Variants in ERBB4 observed in about 807,000 individuals in gnomAD.
ERBB4 encodes the protein erb-b2 receptor tyrosine kinase 4.
Under a neutral mutation model 158.0 loss-of-function variants are expected in ERBB4, and 42 were observed. That is an observed-to-expected ratio of 0.27 (90% CI 0.21 to 0.34). ERBB4 has a LOEUF of 0.34. Among genes scored for constraint, ERBB4 ranks in the 10% least tolerant of loss-of-function variants. ERBB4 has a pLI of 1.00. For missense variants in ERBB4, 1,333 were observed against 1,624.1 expected, an observed-to-expected ratio of 0.82 and a Z score of 3.08; for synonymous variants, 583 against 558.7, an observed-to-expected ratio of 1.04 and a Z score of -0.61.
intron 1 of ERBB4, among the ~76,000 whole-genome samples, chr2:212,420,224 A>T (rs1318047113): frequency 1.3e-5 from 2 of 152,030 alleles, no homozygotes; most frequent in Non-Finnish European, 2.9e-5. Flanking sequence ...ACATTAATAT[A>T]TTTCTGAAAA....
At chr2:211,532,997 A>C (rs1196684715) in intron 20 of ERBB4, among the ~76,000 whole-genome samples, 1 of 146,080 alleles carries the variant, frequency 6.8e-6, no homozygotes, top group Non-Finnish European at 1.5e-5. Context: ...TTTTATTTAA[A>C]ATAAAAATAT....
chr2:211,737,962 T>A (rs192490298), intron 5 of ERBB4, among the ~76,000 whole-genome samples: 1 of 152,280 alleles, frequency 6.6e-6, no homozygotes, highest in East Asian at 1.9e-4. Context: ...ATGTTTGTAT[T>A]TTTTACTATT....
At chr2:212,484,126 G>GA (rs1033012298) in intron 1 of ERBB4, among the ~76,000 whole-genome samples, 4 of 151,662 alleles carry the variant, frequency 2.6e-5, no homozygotes, top group African/African-American at 7.3e-5. Flanking sequence ...GTATTTCAAT[G>GA]AAAAAAAAGC....
intron 1 of ERBB4, among the ~76,000 whole-genome samples, chr2:212,217,531 T>C (rs2083139724): frequency 6.6e-6 from 1 of 151,292 alleles, no homozygotes; most frequent in Non-Finnish European, 1.5e-5. Flanking sequence ...TAAGAAGCTA[T>C]GTCTCTAGAG....
intron 3 of ERBB4, among the ~76,000 whole-genome samples, chr2:211,828,892 A>AG (rs1448630560): frequency 3.9e-5 from 6 of 152,124 alleles, no homozygotes; most frequent in Non-Finnish European, 8.8e-5. Flanking sequence ...CTGTTGCCAC[A>AG]GTCTTGATAC....
chr2:211,729,522 T>C (rs1237358303), intron 5 of ERBB4, among the ~76,000 whole-genome samples: 1 of 151,754 alleles, frequency 6.6e-6, no homozygotes, highest in Non-Finnish European at 1.5e-5. Flanking sequence ...TTTATATTAT[T>C]ATATGAGACT....
chr2:212,286,594 C>CTTGTTTTTTTTTTTGTTTTG (rs760466245), intron 1 of ERBB4, among the ~76,000 whole-genome samples: 4 of 55,542 alleles, frequency 7.2e-5, no homozygotes, highest in East Asian at 2.6e-3. Flanking sequence ...TAAGTGCTGA[C>CTTGTTTTTTTTTTTGTTTTG]TTTTTTTTTT....
intron 5 of ERBB4, among the ~76,000 whole-genome samples, chr2:211,734,620 TAAAA>T (rs34036811): frequency 9.8e-6 from 1 of 102,348 alleles, no homozygotes; most frequent in African/African-American, 3.9e-5. Flanking sequence ...GCTGTAGCAT[TAAAA>T]AAAAAAAAAA....
intron 1 of ERBB4, among the ~76,000 whole-genome samples, chr2:212,368,500 A>T (rs139291773): frequency 9.1e-4 from 139 of 152,212 alleles, no homozygotes; most frequent in African/African-American, 3.1e-3. Context: ...TGATGGGTGC[A>T]ACGAAATCTC....
chr2:211,935,654 G>A (rs528100645), intron 3 of ERBB4, among the ~76,000 whole-genome samples: 21 of 152,048 alleles, frequency 1.4e-4, no homozygotes, highest in African/African-American at 2.2e-4. Flanking sequence ...ACCAGCATCC[G>A]AGGGTCTTCA....
intron 20 of ERBB4, among the ~76,000 whole-genome samples, chr2:211,550,165 G>A (rs187757113): frequency 2.0e-5 from 3 of 152,134 alleles, no homozygotes; most frequent in Admixed American, 2.0e-4. Context: ...TTTTGTGTAT[G>A]TGTATAGTAA....
rs6731676 is a variant in ERBB4 at position 212,214,766 on chromosome 2, A to G, written c.83-89863T>C. On this transcript the variant is annotated intron_variant, in intron 1 of 27. Coordinates refer to ENST00000342788, the MANE Select transcript of ERBB4 (RefSeq NM_005235.3). ...TCCACTCCTATATATAATCCCCAACAGAAATATTCTATATGTGGGCGCCAA... is the reference window on the plus strand; with the variant it reads ...TCCACTCCTATATATAATCCCCAACGGAAATATTCTATATGTGGGCGCCAA... Among the ~76,000 whole-genome samples, 933 of 151,778 alleles carry G rather than the reference A, an allele frequency of 6.1e-3. 12 individuals are homozygous for G. The highest frequency in any genetic ancestry group is 0.022 in the African/African-American group (895 of 41,488).
chr2:212,391,622 AATATATTATATTGACATATAATATT>A (rs1459435835), intron 1 of ERBB4, among the ~76,000 whole-genome samples: 2 of 142,872 alleles, frequency 1.4e-5, no homozygotes, highest in South Asian at 2.1e-4. Context: ...ATTATATGTC[AATATATTATATTGACATATAATATT>A]ATATATTATA....
chr2:211,576,808 A>C (rs1237800379), intron 19 of ERBB4, among the ~76,000 whole-genome samples: 1 of 152,166 alleles, frequency 6.6e-6, no homozygotes, highest in African/African-American at 2.4e-5. Flanking sequence ...CTTCTAACTT[A>C]AAAAACTGAA....
chr2:212,238,992 TCAAA>T, intron 1 of ERBB4, among the ~76,000 whole-genome samples: 1 of 152,322 alleles, frequency 6.6e-6, no homozygotes, highest in East Asian at 1.9e-4. Context: ...CTGGTTCAGT[TCAAA>T]CACTTATTAA....
chr2:212,373,942 TATATATATCATATATATATCC>T (rs1560146925), intron 1 of ERBB4, among the ~76,000 whole-genome samples: 2 of 81,190 alleles, frequency 2.5e-5, no homozygotes, highest in Non-Finnish European at 4.7e-5. Context: ...TATATATCCA[TATATATATCATATATATATCC>T]ATATATATCC....
rs571400851 is a variant in ERBB4, at chr2:212,117,075, G to A, written c.234+7677C>T. Among the ~76,000 whole-genome samples the A allele has an allele frequency of 5.9e-5, 9 of 152,118 alleles. No homozygotes were observed. The South Asian group carries it at 6.2e-4, about 11-fold the overall frequency. ...AAATTGCATATGTATTATCTTTAAC[G>A]GCCTTAGAAACAGCTTTCAGATACT... On this transcript the variant is annotated intron_variant, in intron 2 of 27. Transcript: ENST00000342788.
chr2:212,143,124 A>G (rs2080541648), intron 1 of ERBB4, among the ~76,000 whole-genome samples: 1 of 152,246 alleles, frequency 6.6e-6, no homozygotes, highest in Non-Finnish European at 1.5e-5. Flanking sequence ...TTAGTGTACT[A>G]TTGAAACTTT....
intron 3 of ERBB4, among the ~76,000 whole-genome samples, chr2:211,878,398 A>G (rs1421558673): frequency 6.6e-6 from 1 of 152,192 alleles, no homozygotes; most frequent in Non-Finnish European, 1.5e-5. Context: ...TGGAAAATAC[A>G]ATAGTATTCA....
Sources: gnomAD v4.1 joint callset for allele counts (sites outside exome capture counted in the v4.1 genomes callset) on GRCh38, gnomAD v4.1.1 for gene constraint, MANE v1.5 for transcripts, NCBI Gene and HGNC (gene_info 2026-07-23, HGNC 2026-07-21) for gene names.